The following DGAT2 variants were observed in gnomAD, a reference collection of about 807,000 sequenced individuals.
DGAT2 encodes acyl-CoA retinol O-fatty-acyltransferase.
A neutral mutation model predicts 48.4 loss-of-function variants in DGAT2; 33 were observed. That is an observed-to-expected ratio of 0.68 (90% CI 0.52 to 0.91). DGAT2 has a LOEUF of 0.91. DGAT2 is among the 40% of genes least tolerant of loss of function. DGAT2 has a pLI of 0.00. For synonymous variants in DGAT2, 191 were observed against 194.1 expected (o/e 0.98, Z 0.13); for missense variants, 446 against 493.7 (o/e 0.90, Z 0.92).
chr11:75,780,600 C>A (rs1944851213), intron 1 of DGAT2, among the ~76,000 whole-genome samples: 1 of 152,206 alleles, frequency 6.6e-6, no homozygotes, highest in South Asian at 2.1e-4. Flanking sequence ...TCCTGACCCA[C>A]CCCTCTGAAG....
rs116653685 is a variant in DGAT2, at chr11:75,799,617, T to A, written c.1013-737T>A. 8.9e-3 allele frequency among the ~76,000 whole-genome samples: 1,358 copies of A among 151,984 alleles called. 27 individuals are homozygous for A. The highest frequency in any genetic ancestry group is 0.028 in the African/African-American group (1,170 of 41,404). On this transcript the variant is annotated intron_variant, in intron 7 of 7. Transcript: ENST00000228027. The stretch of plus-strand genomic sequence containing the variant: ...GCCCTTAACCACACTTTTTATTTTT[T>A]TTTTTTTTATTTTTGAGACAGGGTC...
chr11:75,790,402 T>G (rs1284228676), intron 3 of DGAT2, 107 bp downstream of exon 3: 10 of 1,015,260 alleles, frequency 9.8e-6, no homozygotes, highest in African/African-American at 1.6e-5. Flanking sequence ...ACACCCACTT[T>G]GTGAAAAGCA....
intron 1 of DGAT2, among the ~76,000 whole-genome samples, chr11:75,781,849 T>C (rs933623577): frequency 1.4e-4 from 21 of 152,182 alleles, no homozygotes; most frequent in African/African-American, 5.1e-4. Context: ...CAAGATGGCG[T>C]GCGTTTCCTG....
chr11:75,769,128 C>A lies in DGAT2; in HGVS notation c.121+16C>A. 1 of 1,554,690 alleles carries A rather than the reference C, an allele frequency of 6.4e-7. No individual in the cohort carries two copies. On this transcript the variant is annotated intron_variant, in intron 1 of 7. Coordinates refer to ENST00000228027, the MANE Select transcript of DGAT2 (RefSeq NM_032564.5). The stretch of plus-strand genomic sequence containing the variant: ...GGGAGATGGGGTGAGTGCCACGGCG[C>A]AGGGGTTATGGACCTGCGAGAAGAT...
chr11:75,771,292 T>C (rs1451027736), intron 1 of DGAT2, among the ~76,000 whole-genome samples: 1 of 152,090 alleles, frequency 6.6e-6, no homozygotes, highest in African/African-American at 2.4e-5. Flanking sequence ...GCAGAGTTCA[T>C]CAGGACAGGA....
intron 1 of DGAT2, among the ~76,000 whole-genome samples, chr11:75,783,597 C>T (rs1565315893): frequency 6.6e-6 from 1 of 152,146 alleles, no homozygotes; most frequent in Non-Finnish European, 1.5e-5. Flanking sequence ...ATTTAATGGG[C>T]ACACAGTAGG....
At chr11:75,773,430 C>G (rs1944776450) in intron 1 of DGAT2, among the ~76,000 whole-genome samples, 1 of 152,228 alleles carries the variant, frequency 6.6e-6, no homozygotes. Context: ...TGGGATGTGG[C>G]TGGGGGCTTC....
Position 75,796,303 on chromosome 11 carries a change from C to G in DGAT2, c.430-25C>G, listed in dbSNP as rs41298109. On this transcript the variant is annotated intron_variant, in intron 4 of 7. Coordinates refer to ENST00000228027, the MANE Select transcript of DGAT2 (RefSeq NM_032564.5). ...CGGTATCCCTCTCCCAGCCAGTTTC[C>G]TCTGACCCAAGGTCATCCTTGCAGC... 204 of 1,606,704 alleles carry G rather than the reference C, an allele frequency of 1.3e-4. 1 individual carries two copies. The highest frequency in any genetic ancestry group is 1.6e-4 in the Non-Finnish European group (189 of 1,173,972).
intron 7 of DGAT2, among the ~76,000 whole-genome samples, chr11:75,798,757 CT>C (rs1221017058): frequency 6.6e-6 from 1 of 152,140 alleles, no homozygotes; most frequent in Non-Finnish European, 1.5e-5. Flanking sequence ...CGCAGGTGCT[CT>C]AGGGAGTCAT....
intron 5 of DGAT2, 82 bp downstream of exon 5, chr11:75,796,614 C>G (rs969814392): frequency 7.1e-7 from 1 of 1,406,900 alleles, no homozygotes; most frequent in Non-Finnish European, 9.8e-7. Context: ...ACACAGGGAG[C>G]CAACACACCA....
chr11:75,797,100 G>C, intron 5 of DGAT2, 58 bp from the exon 6 acceptor site: 1 of 1,418,094 alleles, frequency 7.1e-7, no homozygotes, highest in East Asian at 2.6e-5. Context: ...ACTGTGTGCC[G>C]GGGATGGGGA....
Position 75,796,543 on chromosome 11 carries a change from AC to A in DGAT2, c.634+16del, listed in dbSNP as rs1945056858. The A allele has an allele frequency of 1.2e-6, 2 of 1,609,300 alleles. No individual in the cohort carries two copies. The highest frequency in any genetic ancestry group is 1.7e-6 in the Non-Finnish European group (2 of 1,178,392). On this transcript the variant is annotated intron_variant, in intron 5 of 7. Transcript: ENST00000228027. Reference sequence around the variant, plus strand: ...ACCTGATGTCTGGAGGTAAGAATCCACCCCCTGTGCTCCTGCTGGGCACTGT... The same window carrying A: ...ACCTGATGTCTGGAGGTAAGAATCCACCCCTGTGCTCCTGCTGGGCACTGT...
At chr11:75,796,273 TGCC>T in intron 4 of DGAT2, 52 bp from the exon 5 acceptor site, 1 of 1,504,292 alleles carries the variant, frequency 6.6e-7, no homozygotes, top group Non-Finnish European at 9.2e-7. Flanking sequence ...CCTCCGGGTA[TGCC>T]CCGGTATCCC....
intron 1 of DGAT2, among the ~76,000 whole-genome samples, chr11:75,782,185 G>A (rs896160512): frequency 6.6e-5 from 10 of 152,096 alleles, no homozygotes; most frequent in Non-Finnish European, 2.9e-5. Context: ...GGTGTTCCCC[G>A]GTGCTGTGTC....
chr11:75,798,494 G>T, intron 7 of DGAT2, 65 bp downstream of exon 7: 1 of 1,559,628 alleles, frequency 6.4e-7, no homozygotes, highest in Non-Finnish European at 8.7e-7. Context: ...CTAATCAGCA[G>T]TAGAGACGGG....
chr11:75,798,383 C>A lies in DGAT2; in HGVS notation c.966C>A (p.Ser322=). ...TCCATGGTCGAGGCCTCTTCTCCTC[C>A]GACACCTGGGGGCTGGTGCCCTACT... The part of the protein sequence containing the change: ...CIFHGRGLFS[S]DTWGLVPYSK... Residue 322 remains serine (S), a synonymous_variant, in exon 7 of 8, where the codon TCC becomes TCA. Transcript: ENST00000228027. The A allele has an allele frequency of 6.2e-7, 1 of 1,613,892 alleles. No homozygotes were observed. Among genetic ancestry groups the A allele is most frequent in the Non-Finnish European group, 8.5e-7 (1 of 1,180,024 alleles).
Position 75,796,494 on chromosome 11 carries a change from T to C in DGAT2, c.596T>C (p.Phe199Ser), listed in dbSNP as rs901730923. ...TACCTGGCTACACTGGCAGGCAACTTCCGAATGCCTGTGTTGAGGGAGTAC... is the reference window on the plus strand; with the variant it reads ...TACCTGGCTACACTGGCAGGCAACTCCCGAATGCCTGTGTTGAGGGAGTAC... ...RPYLATLAGN[F>S]RMPVLREYLM... The change falls in exon 5 of 8, where the codon TTC (phenylalanine) becomes TCC (serine). Residue 199 changes from phenylalanine (F) to serine (S), a missense_variant. Coordinates refer to ENST00000228027, the MANE Select transcript of DGAT2 (RefSeq NM_032564.5). 6 of 1,613,286 alleles carry C rather than the reference T, an allele frequency of 3.7e-6. No homozygotes were observed. Among genetic ancestry groups the C allele is most frequent in the Non-Finnish European group, 4.2e-6 (5 of 1,180,020 alleles).
rs34113941 is a variant in DGAT2 at position 75,800,424 on chromosome 11, G to A, written c.1083G>A (p.Met361Ile). The part of the protein sequence containing the change: ...TQQDIDLYHT[M>I]YMEALVKLFD... ...AAGACATCGACCTGTACCACACCAT[G>A]TACATGGAGGCCCTGGTGAAGCTCT... is the stretch of plus-strand genomic sequence containing the variant. Residue 361 changes from methionine to isoleucine, a missense_variant, in exon 8 of 8, where the codon ATG (methionine) becomes ATA (isoleucine). By Grantham distance (10) the Met-to-Ile change is conservative. Transcript: ENST00000228027. The A allele has an allele frequency of 6.2e-3, 9,969 of 1,614,122 alleles. 347 individuals are homozygous for A. In the African/African-American group the frequency reaches 0.088, roughly 14 times the overall value.
intron 1 of DGAT2, among the ~76,000 whole-genome samples, chr11:75,779,715 C>T (rs1043140721): frequency 2.6e-5 from 4 of 152,228 alleles, no homozygotes; most frequent in Non-Finnish European, 1.5e-5. Context: ...TCTTCCCCTA[C>T]AGCCTGTCTC....
Sources: gnomAD v4.1 joint callset for allele counts (sites outside exome capture counted in the v4.1 genomes callset) on GRCh38, gnomAD v4.1.1 for gene constraint, MANE v1.5 for transcripts, NCBI Gene and HGNC (gene_info 2026-07-23, HGNC 2026-07-21) for gene names.